The following CTPS1 variants were observed in gnomAD, a reference collection of about 807,000 sequenced individuals.
CTPS1 encodes the protein CTP synthase 1, also known as CTP synthetase 1.
Under a neutral mutation model 80.5 loss-of-function variants are expected in CTPS1, and 25 were observed. That is an observed-to-expected ratio of 0.31 (90% CI 0.23 to 0.43). CTPS1 has a LOEUF of 0.43. Ranked by LOEUF, CTPS1 falls within the 20% of genes least tolerant of loss-of-function variation. The pLI, the probability that CTPS1 is intolerant of heterozygous loss-of-function variation, is 1.00. For synonymous variants in CTPS1, 267 were observed against 252.5 expected (o/e 1.06, Z -0.54); for missense variants, 442 against 725.7 (o/e 0.61, Z 4.49).
chr1:40,987,271 C>T (rs1043864549), intron 3 of CTPS1, 101 bp from the exon 4 acceptor site: 2 of 839,052 alleles, frequency 2.4e-6, no homozygotes, highest in East Asian at 5.1e-5. Context: ...GCTACTCTCT[C>T]CAGGCAAAGA....
rs144225707 is a variant in CTPS1 at position 41,001,800 on chromosome 1, G to A, written c.1095-360G>A. Among the ~76,000 whole-genome samples the A allele has an allele frequency of 3.3e-3, 505 of 152,160 alleles. 6 individuals carry two copies. Among genetic ancestry groups the A allele is most frequent in the African/African-American group, 0.011 (469 of 41,504 alleles). ...GGTCCCAGCTCCTTGGGAGATCAAGGCTGCAGTGAGCTGTGATCACACCAC... is the reference window on the plus strand; with the variant it reads ...GGTCCCAGCTCCTTGGGAGATCAAGACTGCAGTGAGCTGTGATCACACCAC... On this transcript the variant is annotated intron_variant, in intron 10 of 18. Coordinates refer to ENST00000650070, the MANE Select transcript of CTPS1 (RefSeq NM_001905.4).
chr1:40,980,299 C>A (rs1435906487), intron 1 of CTPS1: 1 of 151,958 alleles, frequency 6.6e-6, no homozygotes, highest in African/African-American at 2.4e-5. Flanking sequence ...GGCCTCGGCG[C>A]GGGCTCAGCC....
Position 40,988,707 on chromosome 1 carries a change from C to T in CTPS1, c.552C>T (p.Pro184=). 1 of 1,603,060 alleles carries T rather than the reference C, an allele frequency of 6.2e-7. No homozygotes were observed. The highest frequency in any genetic ancestry group is 1.3e-5 in the African/African-American group (1 of 74,756). ...NFCNIHVSLV[P]QPSSTGEQKT... ...GTAACATCCACGTCAGTCTAGTTCC[C>T]CAGGTAAGTAAGACATTGAAAGTTT... The change falls in exon 5 of 19, where the codon CCC becomes CCT. Residue 184 remains proline, a synonymous_variant. Transcript: ENST00000650070.
At chr1:41,002,958 G>A (rs1642940301) in intron 11 of CTPS1, among the ~76,000 whole-genome samples, 156 bp from the exon 12 acceptor site, 1 of 152,218 alleles carries the variant, frequency 6.6e-6, no homozygotes, top group African/African-American at 2.4e-5. Flanking sequence ...CAAGTAAAGT[G>A]TAACAGCAGA....
In CTPS1 at chr1:41,008,680, A is replaced by G; in HGVS notation, c.1415A>G (p.Asp472Gly). The change falls in exon 15 of 19, where the codon GAC becomes GGC. Residue 472 changes from aspartate (D) to glycine (G), a missense_variant. By Grantham distance (94) the Asp-to-Gly change is moderately conservative. Around this residue, in one of 4 missense-constraint regions of CTPS1, gnomAD observed 321 missense variants for 467.2 expected, o/e 0.69. Transcript: ENST00000650070. ...CCAGGGAAACTCTATGGAGACGCAG[A>G]CTACTTGGAAGAGAGGCACCGCCAC... The part of the protein sequence containing the change: ...SVMRKLYGDA[D>G]YLEERHRHRF... The G allele has an allele frequency of 6.2e-7, 1 of 1,614,208 alleles. No homozygotes were observed. Among genetic ancestry groups the G allele is most frequent in the Non-Finnish European group, 8.5e-7 (1 of 1,180,034 alleles).
chr1:40,994,488 TTAGA>T (rs1642703622), intron 7 of CTPS1, among the ~76,000 whole-genome samples: 1 of 152,244 alleles, frequency 6.6e-6, no homozygotes, highest in South Asian at 2.1e-4. Flanking sequence ...TATTTTCTGA[TTAGA>T]TAATACCCCA....
chr1:40,987,008 C>T (rs1223673080), intron 3 of CTPS1, among the ~76,000 whole-genome samples: 1 of 152,292 alleles, frequency 6.6e-6, no homozygotes, highest in South Asian at 2.1e-4. Flanking sequence ...TCTCTTGTTC[C>T]TGGAAGTGCA....
Position 41,006,156 on chromosome 1 carries a change from G to A in CTPS1, c.1296+62G>A, listed in dbSNP as rs371804576. On this transcript the variant is annotated intron_variant, in intron 13 of 18. Coordinates refer to ENST00000650070, the MANE Select transcript of CTPS1 (RefSeq NM_001905.4). ...GGGTGTAGAAGGGGCATTTATGAAC[G>A]TGATTGATGATTAGAGACAAGAAGT... is the stretch of plus-strand genomic sequence containing the variant. The A allele has an allele frequency of 1.5e-4, 198 of 1,347,332 alleles. 1 individual carries two copies. Among genetic ancestry groups the A allele is most frequent in the Middle Eastern group, 9.0e-4 (5 of 5,554 alleles). 83.5% of individuals were successfully genotyped at this position (1,347,332 alleles called of 1,614,324 possible).
chr1:41,004,159 C>T (rs1642976030), intron 12 of CTPS1: 1 of 152,298 alleles, frequency 6.6e-6, no homozygotes, highest in Admixed American at 6.5e-5. Context: ...TGGTCCACCA[C>T]AGCCCATTTA....
intron 7 of CTPS1, 99 bp from the exon 8 acceptor site, chr1:40,995,818 T>G: frequency 2.4e-6 from 3 of 1,254,924 alleles, no homozygotes; most frequent in South Asian, 3.0e-5. Context: ...TTTTCTGTTT[T>G]CAAATACATA....
chr1:41,011,208 T>A (rs773709027), intron 18 of CTPS1, among the ~76,000 whole-genome samples: 1 of 152,164 alleles, frequency 6.6e-6, no homozygotes, highest in African/African-American at 2.4e-5. Flanking sequence ...GAAGTTAGTA[T>A]CAGGAGGAGG....
At chr1:40,991,716 T>G in intron 6 of CTPS1, 49 bp from the exon 7 acceptor site, 2 of 1,346,466 alleles carry the variant, frequency 1.5e-6, no homozygotes, top group Non-Finnish European at 2.1e-6. Flanking sequence ...AAACCCCTAC[T>G]TCTGTCATTT....
In CTPS1 at chr1:41,007,695, C is replaced by T; in HGVS notation, c.1393+150C>T. ...CATTCTTTCCTCTCTTATTCATACC[C>T]TTTTAGGATGCACTGTGATAGCCAT... On this transcript the variant is annotated intron_variant, in intron 14 of 18. Transcript: ENST00000650070. This position sits in a 1 kb window ranked among gnomAD's most constrained non-coding sequence, Gnocchi z 4.4. 1 of 642,478 alleles carries T rather than the reference C, an allele frequency of 1.6e-6. No homozygotes were observed. The highest frequency in any genetic ancestry group is 2.7e-5 in the East Asian group (1 of 36,412). 39.8% of individuals were successfully genotyped at this position (642,478 alleles called of 1,614,324 possible).
chr1:40,987,384 T>C lies in CTPS1; in HGVS notation c.350T>C (p.Ile117Thr). The C allele has an allele frequency of 1.2e-6, 2 of 1,613,638 alleles. No individual in the cohort carries two copies. The highest frequency in any genetic ancestry group is 1.1e-5 in the South Asian group (1 of 91,064). The change falls in exon 4 of 19, where the codon ATC becomes ACC. Residue 117 changes from isoleucine to threonine, a missense_variant. Physicochemically the swap from Ile to Thr is moderately conservative, Grantham distance 89. This residue lies in a region of CTPS1 where 69 missense variants were observed against 102.1 expected (regional missense o/e 0.68). Transcript: ENST00000650070. Reference sequence around the variant, plus strand: ...TTCTTTTTCCCAGTTGTCCCTCATATCACAGATGCAATCCAGGAGTGGGTG... The same window carrying C: ...TTCTTTTTCCCAGTTGTCCCTCATACCACAGATGCAATCCAGGAGTGGGTG... ...LGKTVQVVPHITDAIQEWVMR... is the reference protein window; with the variant it reads ...LGKTVQVVPHTTDAIQEWVMR...
chr1:41,002,981 A>G, intron 11 of CTPS1, 133 bp from the exon 12 acceptor site: 2 of 798,600 alleles, frequency 2.5e-6, no homozygotes, highest in Non-Finnish European at 4.2e-6. Context: ...GTACTTGTTC[A>G]TAGCAGGAAG....
At chr1:40,992,735 G>T (rs1642646019) in intron 7 of CTPS1, among the ~76,000 whole-genome samples, 2 of 148,602 alleles carry the variant, frequency 1.3e-5, no homozygotes, top group African/African-American at 5.0e-5. Context: ...GTGTCGCCCA[G>T]GCTGGAGTGC....
At position 41,006,131 on chromosome 1, in the gene CTPS1, G is replaced by A. The variant is rs770405291; in HGVS notation, c.1296+37G>A. ...GTTTGAACCTCCACAGGGCTTAGAA[G>A]GGTGTAGAAGGGGCATTTATGAACG... On this transcript the variant is annotated intron_variant, in intron 13 of 18. Coordinates refer to ENST00000650070, the MANE Select transcript of CTPS1 (RefSeq NM_001905.4). 9 of 1,513,892 alleles carry A rather than the reference G, an allele frequency of 5.9e-6. No individual in the cohort carries two copies. In the South Asian group the frequency reaches 1.0e-4, roughly 17 times the overall value. The allele number at this position is 1,513,892 out of a possible 1,614,324, so 93.8% of individuals were successfully genotyped here.
intron 10 of CTPS1, among the ~76,000 whole-genome samples, chr1:41,001,813 G>T (rs1642911599): frequency 6.6e-6 from 1 of 152,010 alleles, no homozygotes; most frequent in South Asian, 2.1e-4. Flanking sequence ...GCAGTGAGCT[G>T]TGATCACACC....
chr1:40,982,428 C>A (rs115871146), intron 1 of CTPS1, among the ~76,000 whole-genome samples: 1 of 149,570 alleles, frequency 6.7e-6, no homozygotes, highest in African/African-American at 2.5e-5. Context: ...CTTATTCTGT[C>A]GCGCACGCTG....
Sources: allele counts gnomAD v4.1 joint callset (sites outside exome capture counted in the v4.1 genomes callset), GRCh38; gene constraint gnomAD v4.1.1; regional missense constraint gnomAD v4.1.1; non-coding constraint Gnocchi (gnomAD v3.1); transcripts MANE v1.5; gene names NCBI Gene and HGNC (gene_info 2026-07-23, HGNC 2026-07-21).